Variants in EXOC6B observed in about 807,000 individuals in gnomAD.
The protein encoded by EXOC6B is SEC15 homolog B.
Under a neutral mutation model 113.5 loss-of-function variants are expected in EXOC6B, and 54 were observed. That is an observed-to-expected ratio of 0.48 (90% CI 0.38 to 0.60). The LOEUF is 0.60. Ranked by LOEUF, EXOC6B falls within the 20% of genes least tolerant of loss-of-function variation. The pLI, the probability that EXOC6B is intolerant of heterozygous loss-of-function variation, is 0.00. For missense variants in EXOC6B, 797 were observed against 977.5 expected (o/e 0.82, Z 2.46); for synonymous variants, 357 against 339.0 (o/e 1.05, Z -0.58).
At chr2:72,210,857 C>G (rs370576070) in intron 20 of EXOC6B, among the ~76,000 whole-genome samples, 1 of 152,186 alleles carries the variant, frequency 6.6e-6, no homozygotes, top group East Asian at 1.9e-4. Flanking sequence ...AAAGGTCAGT[C>G]GGCTGTGGAC....
intron 6 of EXOC6B, among the ~76,000 whole-genome samples, chr2:72,707,639 C>T (rs933566427): frequency 4.6e-5 from 7 of 152,010 alleles, no homozygotes; most frequent in Non-Finnish European, 8.8e-5. Flanking sequence ...GTCTTGAACT[C>T]CTGACCTCGT....
At chr2:72,336,995 G>A (rs1369430994) in intron 19 of EXOC6B, among the ~76,000 whole-genome samples, 18 of 128,036 alleles carry the variant, frequency 1.4e-4, no homozygotes, top group South Asian at 6.9e-4. Context: ...CAACAAGAAC[G>A]AAACTCAGTC....
At chr2:72,783,324 T>C (rs1421543006) in intron 1 of EXOC6B, among the ~76,000 whole-genome samples, 125 of 132,306 alleles carry the variant, frequency 9.4e-4, no homozygotes, top group African/African-American at 3.0e-3. Context: ...TTTTCTTTTT[T>C]TTTTTTTTTT....
At chr2:72,571,204 T>G (rs1243507467) in intron 7 of EXOC6B, among the ~76,000 whole-genome samples, 1 of 152,206 alleles carries the variant, frequency 6.6e-6, no homozygotes, top group Admixed American at 6.5e-5. Flanking sequence ...CACCTGCATA[T>G]GCCCACAGGG....
intron 20 of EXOC6B, among the ~76,000 whole-genome samples, chr2:72,302,842 T>G (rs1686614938): frequency 6.6e-6 from 1 of 152,154 alleles, no homozygotes; most frequent in African/African-American, 2.4e-5. Flanking sequence ...TTTATATGTG[T>G]GGATTTGATC....
intron 20 of EXOC6B, among the ~76,000 whole-genome samples, chr2:72,206,771 G>A (rs549155059): frequency 6.0e-4 from 92 of 152,318 alleles, no homozygotes; most frequent in African/African-American, 2.1e-3. Context: ...AGTGGAATGT[G>A]CTGGAACAGA....
chr2:72,620,589 G>A lies in EXOC6B; in HGVS notation c.670-44921C>T, dbSNP rs542202253. On this transcript the variant is annotated intron_variant, in intron 6 of 21. Coordinates refer to ENST00000272427, the MANE Select transcript of EXOC6B (RefSeq NM_015189.3). ...CTAGTTAATACCTTGCTCAATATCC[G>A]CCTTGGCAAAGAATTTTTGGCAAAG... 4.0e-5 allele frequency among the ~76,000 whole-genome samples: 6 copies of A among 149,240 alleles called. No individual in the cohort carries two copies. The East Asian group carries it at 5.8e-4, about 14-fold the overall frequency.
intron 18 of EXOC6B, chr2:72,461,863 T>C (rs1292124944): frequency 6.6e-6 from 1 of 152,090 alleles, no homozygotes; most frequent in Admixed American, 6.6e-5. Flanking sequence ...TGTTACCATT[T>C]TCTTATTTCT....
intron 12 of EXOC6B, among the ~76,000 whole-genome samples, chr2:72,498,760 T>C (rs906552954): frequency 1.3e-5 from 2 of 151,912 alleles, no homozygotes; most frequent in African/African-American, 4.8e-5. Context: ...CCTAGCAAAA[T>C]GTTTAAGCCA....
intron 5 of EXOC6B, among the ~76,000 whole-genome samples, chr2:72,727,304 A>G (rs1465916039): frequency 1.3e-5 from 2 of 152,184 alleles, no homozygotes; most frequent in Non-Finnish European, 2.9e-5. Context: ...AGATCTAAAT[A>G]GTCTCATTTA....
At chr2:72,264,636 C>T (rs1683939178) in intron 20 of EXOC6B, among the ~76,000 whole-genome samples, 1 of 151,694 alleles carries the variant, frequency 6.6e-6, no homozygotes. Context: ...CCACCAAGAT[C>T]TCACTTTGAA....
At chr2:72,480,290 A>G (rs981726696) in intron 17 of EXOC6B, among the ~76,000 whole-genome samples, 14 of 152,158 alleles carry the variant, frequency 9.2e-5, no homozygotes, top group Non-Finnish European at 1.3e-4. Context: ...AGCCATAACT[A>G]TGATTATCTA....
intron 6 of EXOC6B, among the ~76,000 whole-genome samples, chr2:72,631,445 TATATATATATATATATAG>T (rs1672413943): frequency 2.7e-5 from 2 of 72,854 alleles, no homozygotes; most frequent in Non-Finnish European, 5.2e-5. Flanking sequence ...TATATATATA[TATATATATATATATATAG>T]AGAGAGAGAG....
At chr2:72,245,562 A>G (rs1682599095) in intron 20 of EXOC6B, among the ~76,000 whole-genome samples, 1 of 152,240 alleles carries the variant, frequency 6.6e-6, no homozygotes, top group Non-Finnish European at 1.5e-5. Context: ...TGCCAATCTG[A>G]AAAGGCTATA....
At chr2:72,314,356 G>A (rs917048374) in intron 20 of EXOC6B, among the ~76,000 whole-genome samples, 1 of 152,176 alleles carries the variant, frequency 6.6e-6, no homozygotes, top group African/African-American at 2.4e-5. Context: ...TCCAATTGGA[G>A]TCAGTTTTCA....
At chr2:72,633,803 A>G (rs191256172) in intron 6 of EXOC6B, among the ~76,000 whole-genome samples, 6 of 152,298 alleles carry the variant, frequency 3.9e-5, no homozygotes, top group Admixed American at 3.9e-4. Flanking sequence ...AATAACTTAA[A>G]GTTTTCTGAG....
intron 15 of EXOC6B, among the ~76,000 whole-genome samples, chr2:72,493,986 C>T (rs556281324): frequency 9.9e-5 from 15 of 152,048 alleles, no homozygotes; most frequent in Non-Finnish European, 1.8e-4. Context: ...TCTGTCACTC[C>T]AAGTTATAAG....
At chr2:72,219,291 G>A (rs1308352637) in intron 20 of EXOC6B, among the ~76,000 whole-genome samples, 3 of 151,846 alleles carry the variant, frequency 2.0e-5, no homozygotes, top group African/African-American at 7.3e-5. Flanking sequence ...GGAGGAGGGG[G>A]AAGAGGGCAG....
rs1381920025 is a variant in EXOC6B at position 72,382,536 on chromosome 2, C to G, written c.1981-2666G>C. On this transcript the variant is annotated intron_variant, in intron 18 of 21. Transcript: ENST00000272427. The stretch of plus-strand genomic sequence containing the variant: ...TCGGGGTCTTTTTTGGTTCTATATA[C>G]ATTTTTAAATAGTTTAGTTCTGTGA... Among the ~76,000 whole-genome samples, 4 of 152,046 alleles carry G rather than the reference C, an allele frequency of 2.6e-5. No individual in the cohort carries two copies. In the East Asian group the frequency reaches 7.7e-4, roughly 29 times the overall value.
Sources: allele counts gnomAD v4.1 joint callset (sites outside exome capture counted in the v4.1 genomes callset), GRCh38; gene constraint gnomAD v4.1.1; transcripts MANE v1.5; gene names NCBI Gene and HGNC (gene_info 2026-07-23, HGNC 2026-07-21).